The following PDIA5 variants were observed in gnomAD, a reference collection of about 807,000 sequenced individuals.
The protein encoded by PDIA5 is protein disulfide isomerase family A member 5.
Under a neutral mutation model 77.6 loss-of-function variants are expected in PDIA5, and 58 were observed. The observed-to-expected ratio is 0.75, with a 90% CI of 0.61 to 0.93. PDIA5 has a LOEUF of 0.93. PDIA5 is among the 40% of genes least tolerant of loss of function. PDIA5 has a pLI of 0.00. For missense variants in PDIA5, 630 were observed against 647.7 expected (o/e 0.97, Z 0.30); for synonymous variants, 250 against 252.1 (o/e 0.99, Z 0.08).
chr3:123,111,721 C>G (rs1245012766), intron 7 of PDIA5, among the ~76,000 whole-genome samples: 2 of 152,170 alleles, frequency 1.3e-5, no homozygotes, highest in Non-Finnish European at 2.9e-5. Context: ...CTGAATTTCA[C>G]AGAATTAAAA....
At chr3:123,073,952 G>A (rs1455203923) in intron 1 of PDIA5, among the ~76,000 whole-genome samples, 1 of 152,254 alleles carries the variant, frequency 6.6e-6, no homozygotes, top group Non-Finnish European at 1.5e-5. Flanking sequence ...GAGCCCAGAT[G>A]TGGGCCTGGT....
intron 11 of PDIA5, 129 bp downstream of exon 11, chr3:123,130,745 G>T: frequency 9.6e-7 from 1 of 1,046,756 alleles, no homozygotes; most frequent in Non-Finnish European, 1.4e-6. Flanking sequence ...TAAGCCAGGG[G>T]ATGCAGTGGT....
chr3:123,103,826 T>C (rs1934662061), intron 5 of PDIA5, among the ~76,000 whole-genome samples: 1 of 152,242 alleles, frequency 6.6e-6, no homozygotes, highest in Admixed American at 6.5e-5. Context: ...TGTTAAGACG[T>C]CAACCGAAGT....
At chr3:123,141,434 A>C (rs779022312) in intron 11 of PDIA5, among the ~76,000 whole-genome samples, 19 of 152,078 alleles carry the variant, frequency 1.2e-4, no homozygotes, top group Non-Finnish European at 2.5e-4. Context: ...AGGGCAGTGG[A>C]CCTTTGGGGA....
In PDIA5 at chr3:123,067,120, G is replaced by T; in HGVS notation, c.-45G>T. ...CTAGCAGGCGGGCGGGCGGGAGCGG[G>T]CGCCGGAGTGGAGAAAGGAGCCAGC... On this transcript the variant is annotated 5_prime_UTR_variant, in exon 1 of 17. Coordinates refer to ENST00000316218, the MANE Select transcript of PDIA5 (RefSeq NM_006810.4). The T allele has an allele frequency of 8.1e-7, 1 of 1,238,064 alleles. No individual in the cohort carries two copies. Among genetic ancestry groups the T allele is most frequent in the East Asian group, 3.1e-5 (1 of 31,768 alleles). 76.7% of individuals were successfully genotyped at this position (1,238,064 alleles called of 1,614,324 possible).
chr3:123,089,875 G>A (rs892280416), intron 2 of PDIA5, among the ~76,000 whole-genome samples: 2 of 152,258 alleles, frequency 1.3e-5, no homozygotes, highest in African/African-American at 4.8e-5. Flanking sequence ...CCTCTCTTCT[G>A]ACCTTGAGGC....
chr3:123,136,087 C>T lies in PDIA5; in HGVS notation c.910+5471C>T, dbSNP rs1036374012. 1.1e-4 allele frequency among the ~76,000 whole-genome samples: 16 copies of T among 151,738 alleles called. 1 individual carries two copies. The highest frequency in any genetic ancestry group is 9.2e-4 in the Admixed American group (14 of 15,248). ...CTGGGACTACAGGCACGGGCCACCA[C>T]ACCTGGCTAATTTTTTGGATTTCTT... is the stretch of plus-strand genomic sequence containing the variant. On this transcript the variant is annotated intron_variant, in intron 11 of 16. Transcript: ENST00000316218.
At chr3:123,157,118 A>G (rs1273356754) in intron 15 of PDIA5, among the ~76,000 whole-genome samples, 2 of 152,096 alleles carry the variant, frequency 1.3e-5, no homozygotes, top group South Asian at 4.1e-4. Flanking sequence ...CTCTCCTTTC[A>G]GCTTCCTTTA....
At chr3:123,133,836 T>C (rs1291999068) in intron 11 of PDIA5, among the ~76,000 whole-genome samples, 2 of 152,210 alleles carry the variant, frequency 1.3e-5, no homozygotes, top group Non-Finnish European at 2.9e-5. Context: ...TTTATGACTC[T>C]ATGCTAATTA....
chr3:123,067,232 G>A, intron 1 of PDIA5, 26 bp downstream of exon 1: 1 of 1,242,848 alleles, frequency 8.0e-7, no homozygotes. Flanking sequence ...AGGGATCCGG[G>A]CCGGGCCAGC....
chr3:123,152,155 G>C, intron 14 of PDIA5, among the ~76,000 whole-genome samples: 3 of 141,696 alleles, frequency 2.1e-5, no homozygotes, highest in Non-Finnish European at 3.1e-5. Context: ...CTTCCTTTCT[G>C]CCTTCCAGCC....
intron 13 of PDIA5, among the ~76,000 whole-genome samples, chr3:123,147,940 C>T (rs1356303658): frequency 6.6e-6 from 1 of 152,200 alleles, no homozygotes; most frequent in Non-Finnish European, 1.5e-5. Flanking sequence ...CATCACTAAT[C>T]AGTGCTCCAG....
At chr3:123,117,725 G>T (rs1484710043) in intron 8 of PDIA5, among the ~76,000 whole-genome samples, 1 of 152,002 alleles carries the variant, frequency 6.6e-6, no homozygotes, top group Non-Finnish European at 1.5e-5. Flanking sequence ...ACACTCATCT[G>T]TTGATGAGTT....
intron 1 of PDIA5, among the ~76,000 whole-genome samples, chr3:123,071,217 G>T (rs1009998252): frequency 1.3e-5 from 2 of 151,948 alleles, no homozygotes; most frequent in Non-Finnish European, 2.9e-5. Context: ...GGAGAATAGC[G>T]AGGCTTAGGG....
intron 1 of PDIA5, among the ~76,000 whole-genome samples, chr3:123,068,130 A>G (rs1256503199): frequency 1.3e-5 from 2 of 152,006 alleles, no homozygotes; most frequent in Admixed American, 1.3e-4. Context: ...CTTTTCCATA[A>G]CTTATGCGCT....
At chr3:123,148,753 A>C (rs1264217499) in intron 13 of PDIA5, among the ~76,000 whole-genome samples, 1 of 152,154 alleles carries the variant, frequency 6.6e-6, no homozygotes, top group Non-Finnish European at 1.5e-5. Context: ...TGGTGAAGAA[A>C]CTTAGGTTCA....
At chr3:123,108,759 G>A (rs1934797554) in intron 6 of PDIA5, among the ~76,000 whole-genome samples, 1 of 151,888 alleles carries the variant, frequency 6.6e-6, no homozygotes. Context: ...GGTGGCATCT[G>A]CCTGTAATCC....
intron 11 of PDIA5, among the ~76,000 whole-genome samples, chr3:123,139,365 T>G (rs1296733463): frequency 6.6e-6 from 1 of 151,914 alleles, no homozygotes; most frequent in Non-Finnish European, 1.5e-5. Context: ...GGAAGGGAGG[T>G]GTTTTCTCAG....
chr3:123,130,749 C>T (rs1359642188), intron 11 of PDIA5, 133 bp downstream of exon 11: 6 of 985,556 alleles, frequency 6.1e-6, no homozygotes, highest in African/African-American at 3.2e-5. Flanking sequence ...CCAGGGGATG[C>T]AGTGGTGACA....
Sources: allele counts gnomAD v4.1 joint callset (sites outside exome capture counted in the v4.1 genomes callset), GRCh38; gene constraint gnomAD v4.1.1; transcripts MANE v1.5; gene names NCBI Gene and HGNC (gene_info 2026-07-23, HGNC 2026-07-21).